LTBP4: variants seen among roughly 807,000 people sequenced by gnomAD.
LTBP4 encodes latent-transforming growth factor beta-binding protein 4.
Under a neutral mutation model 180.2 loss-of-function variants are expected in LTBP4, and 93 were observed. That is an observed-to-expected ratio of 0.52 (90% CI 0.44 to 0.61). The LOEUF is 0.61. Among genes scored for constraint, LTBP4 ranks in the 20% least tolerant of loss-of-function variants. The pLI is 0.00. For synonymous variants in LTBP4, 947 were observed against 934.5 expected (o/e 1.01, Z -0.24); for missense variants, 2,116 against 2,256.5 (o/e 0.94, Z 1.26).
At chr19:40,599,682 C>G (rs563409284), upstream of LTBP4, 666 of 887,644 alleles carry the variant, frequency 7.5e-4, no homozygotes, top group Non-Finnish European at 1.0e-3. Context: ...CTTTCTTTTG[C>G]TATCAGCCTG....
At chr19:40,601,071 C>T (rs1449393670), upstream of LTBP4, among the ~76,000 whole-genome samples, 1 of 152,162 alleles carries the variant, frequency 6.6e-6, no homozygotes, top group Non-Finnish European at 1.5e-5. Flanking sequence ...GGATTCAGCT[C>T]TGTCTGGGGG....
At chr19:40,599,653 C>G (rs541964382), upstream of LTBP4, 3 of 1,167,886 alleles carry the variant, frequency 2.6e-6, no homozygotes, top group African/African-American at 3.4e-5. Flanking sequence ...CCCTCTCTCT[C>G]CCCCCTCCCT....
intron 6 of LTBP4, among the ~76,000 whole-genome samples, chr19:40,607,131 G>T (rs1214076166): frequency 6.6e-6 from 1 of 152,140 alleles, no homozygotes; most frequent in Non-Finnish European, 1.5e-5. Context: ...CAGATCTTGA[G>T]ATCCTTCTCA....
In LTBP4 at chr19:40,605,430, C is replaced by A. The variant is rs370039703; in HGVS notation, c.468C>A (p.His156Gln). 52 of 1,612,788 alleles carry A rather than the reference C, an allele frequency of 3.2e-5. No individual in the cohort carries two copies. The African/African-American group carries it at 6.5e-4, about 20-fold the overall frequency. ...GCGTGGCATCTATGGTGAGCGTCCACGTGGAGCACCCGCAGGAGGCGTCGG... is the reference window on the plus strand; with the variant it reads ...GCGTGGCATCTATGGTGAGCGTCCAAGTGGAGCACCCGCAGGAGGCGTCGG... ...EHGVASMVSV[H>Q]VEHPQEASVV... is the part of the protein sequence containing the mutation. Residue 156 changes from histidine (H) to glutamine (Q), a missense_variant, in exon 3 of 30, where the codon CAC becomes CAA. Around this residue, in one of 5 missense-constraint regions of LTBP4, gnomAD observed 469 missense variants for 532.5 expected, o/e 0.88. Coordinates refer to ENST00000396819, the MANE Select transcript of LTBP4 (RefSeq NM_001042545.2). This position sits in a 1 kb window ranked among gnomAD's most constrained non-coding sequence, Gnocchi z 5.5.
upstream of LTBP4, chr19:40,599,576 C>T (rs756660345): frequency 1.0e-5 from 16 of 1,595,790 alleles, no homozygotes; most frequent in East Asian, 2.2e-5. Flanking sequence ...CAGTCCCTCC[C>T]CTACCAAATC....
At chr19:40,593,305 C>T in intron 1 of LTBP4, 1 of 1,097,164 alleles carries the variant, frequency 9.1e-7, no homozygotes, top group Non-Finnish European at 1.3e-6. Flanking sequence ...TGCAGTGGTG[C>T]AATCATGGCT....
chr19:40,605,750 C>T lies in LTBP4; in HGVS notation c.712C>T (p.Leu238Phe), dbSNP rs757420888. The change falls in exon 4 of 30, where the codon CTC becomes TTC. Residue 238 changes from leucine to phenylalanine, a missense_variant. Physicochemically the swap from Leu to Phe is conservative, Grantham distance 22 (BLOSUM62 0). This residue lies in a region of LTBP4 where 469 missense variants were observed against 532.5 expected (regional missense o/e 0.88). Coordinates refer to ENST00000396819, the MANE Select transcript of LTBP4 (RefSeq NM_001042545.2). This position sits in a 1 kb window ranked among gnomAD's most constrained non-coding sequence, Gnocchi z 5.5. Reference protein sequence around the residue: ...GGECASPLPGLRTQEVCCRGA... With the variant: ...GGECASPLPGFRTQEVCCRGA... ...GCAGTGCGCGTCCCCGCTGCCCGGG[C>T]TCCGGACGCAGGAGGTCTGCTGCCG... 5.2e-6 allele frequency: 8 copies of T among 1,544,782 alleles called. No individual in the cohort carries two copies. In the African/African-American group the frequency reaches 1.1e-4, roughly 21 times the overall value.
At chr19:40,625,297 TATATATA>T (rs2081623151) in intron 26 of LTBP4, among the ~76,000 whole-genome samples, 2 of 20,546 alleles carry the variant, frequency 9.7e-5, no homozygotes, top group African/African-American at 1.1e-3. Context: ...TATATATATA[TATATATA>T]TATATATATA....
chr19:40,596,045 C>A (rs1033610958), intron 1 of LTBP4, among the ~76,000 whole-genome samples: 1 of 151,188 alleles, frequency 6.6e-6, no homozygotes, highest in Admixed American at 6.6e-5. Context: ...CTCAGCCTCC[C>A]GAGTCGCTGG....
At chr19:40,620,204 TG>T (rs2081576443) in intron 22 of LTBP4, among the ~76,000 whole-genome samples, 2 of 150,682 alleles carry the variant, frequency 1.3e-5, no homozygotes, top group Non-Finnish European at 3.0e-5. Flanking sequence ...TGCGGTACCG[TG>T]GAAGGGGTTT....
chr19:40,611,880 GC>G lies in LTBP4; in HGVS notation c.2081del (p.Pro694HisfsTer50). 1 of 1,607,988 alleles carries G rather than the reference GC, an allele frequency of 6.2e-7. No homozygotes were observed. The highest frequency in any genetic ancestry group is 8.5e-7 in the Non-Finnish European group (1 of 1,177,468). On this transcript the variant is annotated frameshift_variant, in exon 14 of 30. Transcript: ENST00000396819. LOFTEE classifies it high-confidence loss of function. The surrounding 1 kb of genome is among the most constrained non-coding windows in gnomAD (Gnocchi z 4.4). ...CCAGATGTGGATGAGTGTGCCCGAAGCCCCCCACCCTGCACCTACGGCCGGT... is the reference window on the plus strand; with the variant it reads ...CCAGATGTGGATGAGTGTGCCCGAAGCCCCCACCCTGCACCTACGGCCGGT... ...PCQDVDECAR[S>X]PPPCTYGRCE...
chr19:40,601,459 A>T lies in LTBP4; in HGVS notation c.72A>T (p.Gly24=). Residue 24 remains glycine (G), a synonymous_variant, in exon 1 of 30, where the codon GGA becomes GGT. Transcript: ENST00000396819. ...TGGCGCAGCTAGGGCCGCAGCCTGG[A>T]CTGGGCCGGCTCGGAGAGCGTCTCC... ...VLLAQLGPQP[G]LGRLGERLRV... is the part of the protein sequence containing the mutation. 1 of 1,487,468 alleles carries T rather than the reference A, an allele frequency of 6.7e-7. No homozygotes were observed. Among genetic ancestry groups the T allele is most frequent in the Non-Finnish European group, 8.9e-7 (1 of 1,124,836 alleles). 92.1% of individuals were successfully genotyped at this position (1,487,468 alleles called of 1,614,324 possible). A position where few individuals can be genotyped will look rare whatever the true frequency, so the allele number is the denominator to read the frequency against.
chr19:40,626,431 C>G (rs891685257), intron 27 of LTBP4, among the ~76,000 whole-genome samples: 2 of 152,092 alleles, frequency 1.3e-5, no homozygotes, highest in Admixed American at 6.6e-5. Flanking sequence ...GTCCCATTGC[C>G]TTAGACACCC....
chr19:40,606,361 G>C, intron 5 of LTBP4, 43 bp from the exon 6 acceptor site: 3 of 1,604,612 alleles, frequency 1.9e-6, no homozygotes, highest in Non-Finnish European at 2.6e-6. Flanking sequence ...GATTTGCAGG[G>C]ATCAAGTTCC....
At chr19:40,602,488 G>A (rs887920338) in intron 1 of LTBP4, among the ~76,000 whole-genome samples, 2 of 151,950 alleles carry the variant, frequency 1.3e-5, no homozygotes, top group South Asian at 2.1e-4. Context: ...CGGAGAACTC[G>A]CCCAGCCTGG....
At chr19:40,597,146 G>A (rs1467813765), upstream of LTBP4, 23 of 1,196,066 alleles carry the variant, frequency 1.9e-5, no homozygotes, top group Non-Finnish European at 2.4e-5. Context: ...CCTCGGGCGG[G>A]GGCGGGGGCG....
Position 40,609,599 on chromosome 19 carries a change from G to A in LTBP4, c.1496G>A (p.Ser499Asn). Residue 499 changes from serine to asparagine, a missense_variant, in exon 10 of 30, where the codon AGC becomes AAC. Physicochemically the swap from Ser to Asn is conservative, Grantham distance 46. This residue lies in a region of LTBP4 where 877 missense variants were observed against 873.6 expected (regional missense o/e 1.00). Coordinates refer to ENST00000396819, the MANE Select transcript of LTBP4 (RefSeq NM_001042545.2). The surrounding 1 kb of genome is among the most constrained non-coding windows in gnomAD (Gnocchi z 4.9). ...CGPGRCISRP[S>N]GYTCACDSGF... ...CCAGGACGCTGCATTTCCCGGCCCAGCGGCTACACCTGCGCTTGCGACTCT... is the reference window on the plus strand; with the variant it reads ...CCAGGACGCTGCATTTCCCGGCCCAACGGCTACACCTGCGCTTGCGACTCT... The A allele has an allele frequency of 6.2e-7, 1 of 1,613,500 alleles. No homozygotes were observed. The highest frequency in any genetic ancestry group is 8.5e-7 in the Non-Finnish European group (1 of 1,179,856).
At chr19:40,606,209 C>A (rs1192455215) in intron 4 of LTBP4, 24 bp from the exon 5 acceptor site, 3 of 1,566,004 alleles carry the variant, frequency 1.9e-6, no homozygotes, top group African/African-American at 2.7e-5. Context: ...CTGTCCCTGG[C>A]CCACCCCTCT....
chr19:40,610,011 C>T (rs949118085), intron 11 of LTBP4, 140 bp downstream of exon 11: 2 of 1,168,630 alleles, frequency 1.7e-6, no homozygotes, highest in African/African-American at 3.1e-5. Flanking sequence ...TTGGCCCTGC[C>T]CTTCCCTGAC....
Sources: allele counts gnomAD v4.1 joint callset (sites outside exome capture counted in the v4.1 genomes callset), GRCh38; gene constraint gnomAD v4.1.1; regional missense constraint gnomAD v4.1.1; non-coding constraint Gnocchi (gnomAD v3.1); transcripts MANE v1.5; gene names NCBI Gene and HGNC (gene_info 2026-07-23, HGNC 2026-07-21).